Variants in ZSCAN25 observed in about 807,000 individuals in gnomAD.
ZSCAN25 encodes zinc finger and SCAN domain-containing protein 25.
ZSCAN25 carries 27 observed loss-of-function variants against 38.7 expected under a neutral mutation model. The ratio of observed to expected loss-of-function variants is 0.70; its 90% CI spans 0.51 to 0.96. ZSCAN25 has a LOEUF of 0.96. Ranked by LOEUF, ZSCAN25 falls within the 40% of genes least tolerant of loss-of-function variation. The pLI is 0.00. For synonymous variants in ZSCAN25, 273 were observed against 277.7 expected, an observed-to-expected ratio of 0.98 and a Z score of 0.17; for missense variants, 637 against 705.9, an observed-to-expected ratio of 0.90 and a Z score of 1.11.
the ZSCAN25 span, among the ~76,000 whole-genome samples, chr7:99,710,389 G>C: frequency 2.6e-5 from 4 of 152,284 alleles, no homozygotes; most frequent in East Asian, 3.9e-4. Context: ...AGCCAGACCA[G>C]AGCAAGTCCT....
At chr7:99,650,060 A>G in the ZSCAN25 span, 1 of 1,613,906 alleles carries the variant, frequency 6.2e-7, no homozygotes, top group Non-Finnish European at 8.5e-7. Flanking sequence ...AAACATACAG[A>G]AAGTGTACTG....
At chr7:99,619,427 C>A in intron 3 of ZSCAN25, 134 bp from the exon 4 acceptor site, 1 of 685,468 alleles carries the variant, frequency 1.5e-6, no homozygotes, top group Non-Finnish European at 2.4e-6. Flanking sequence ...ATTGACCTGA[C>A]TTTTGGGATC....
the ZSCAN25 span, among the ~76,000 whole-genome samples, chr7:99,667,544 T>G: frequency 6.6e-6 from 1 of 152,174 alleles, no homozygotes; most frequent in Admixed American, 6.5e-5. Flanking sequence ...TAGGTAATAC[T>G]TAAAGACTAG....
the ZSCAN25 span, chr7:99,648,399 A>T: frequency 6.2e-7 from 1 of 1,609,782 alleles, no homozygotes; most frequent in Non-Finnish European, 8.5e-7. Flanking sequence ...TTTCAAGGGG[A>T]TCTACAATAG....
the ZSCAN25 span, chr7:99,672,596 A>G: frequency 1.9e-6 from 3 of 1,613,912 alleles, no homozygotes; most frequent in Non-Finnish European, 2.5e-6. Context: ...ATTTGTGAAG[A>G]CAGAATAACA....
chr7:99,731,151 A>G, the ZSCAN25 span: 3 of 1,613,820 alleles, frequency 1.9e-6, no homozygotes, highest in Non-Finnish European at 2.5e-6. Context: ...CGGGTTCCAT[A>G]TCTACAAAGT....
At chr7:99,674,471 T>C in the ZSCAN25 span, 1 of 1,345,726 alleles carries the variant, frequency 7.4e-7, no homozygotes, top group South Asian at 1.2e-5. Context: ...GAGACTATCC[T>C]GCAGTGGGGT....
chr7:99,660,205 G>A, the ZSCAN25 span: 56 of 962,166 alleles, frequency 5.8e-5, no homozygotes, highest in African/African-American at 9.1e-4. Flanking sequence ...CCATCTTCTC[G>A]CCACACTCCT....
chr7:99,660,331 C>T, the ZSCAN25 span: 17 of 1,261,454 alleles, frequency 1.3e-5, no homozygotes, highest in Middle Eastern at 3.3e-4. Context: ...CAGTAGCAAC[C>T]GTTCTCTATG....
chr7:99,733,297 C>T, the ZSCAN25 span, among the ~76,000 whole-genome samples: 4 of 152,156 alleles, frequency 2.6e-5, no homozygotes, highest in African/African-American at 7.2e-5. Context: ...CATTGGCCCC[C>T]GAGGAAAGAT....
At chr7:99,660,062 A>G in the ZSCAN25 span, 1 of 337,772 alleles carries the variant, frequency 3.0e-6, no homozygotes, top group Non-Finnish European at 4.2e-6. Flanking sequence ...GGTGCACTGC[A>G]CCCACTGTCC....
At chr7:99,737,217 A>C in the ZSCAN25 span, among the ~76,000 whole-genome samples, 2 of 152,268 alleles carry the variant, frequency 1.3e-5, no homozygotes, top group African/African-American at 2.4e-5. Flanking sequence ...TTCCCAACTG[A>C]TACTGATCAC....
the ZSCAN25 span, chr7:99,663,738 A>G: frequency 8.4e-7 from 1 of 1,184,988 alleles, no homozygotes; most frequent in South Asian, 2.8e-5. Context: ...TGTTTATATC[A>G]TGACATACTA....
intron 7 of ZSCAN25, 34 bp downstream of exon 7, chr7:99,624,214 G>A (rs1252177795): frequency 6.2e-7 from 1 of 1,612,434 alleles, no homozygotes; most frequent in Admixed American, 1.7e-5. Flanking sequence ...TGAGGAACTG[G>A]GGAGTTCTGA....
the ZSCAN25 span, among the ~76,000 whole-genome samples, chr7:99,698,779 G>C: frequency 6.6e-6 from 1 of 152,040 alleles, no homozygotes; most frequent in Admixed American, 6.6e-5. Flanking sequence ...GAACATGCTG[G>C]AAATATTCCA....
chr7:99,652,286 A>G, the ZSCAN25 span: 1 of 219,314 alleles, frequency 4.6e-6, no homozygotes, highest in Non-Finnish European at 9.0e-6. Flanking sequence ...ATACCATTCT[A>G]ATTTTTAAAA....
the ZSCAN25 span, chr7:99,710,605 T>C: frequency 6.6e-7 from 1 of 1,524,224 alleles, no homozygotes; most frequent in Non-Finnish European, 8.8e-7. Context: ...TTTGAGAGCC[T>C]TCCTACATAT....
the ZSCAN25 span, among the ~76,000 whole-genome samples, chr7:99,644,268 T>C: frequency 6.6e-6 from 1 of 152,072 alleles, no homozygotes; most frequent in East Asian, 1.9e-4. Flanking sequence ...CAGTCCTGTT[T>C]GGGGTAGCAT....
the ZSCAN25 span, among the ~76,000 whole-genome samples, chr7:99,704,822 C>T: frequency 1.3e-5 from 2 of 151,894 alleles, no homozygotes; most frequent in Non-Finnish European, 2.9e-5. Context: ...ATTAGCCGGG[C>T]GTGGTGGCAG....
Sources: gnomAD v4.1 joint callset for allele counts (sites outside exome capture counted in the v4.1 genomes callset) on GRCh38, gnomAD v4.1.1 for gene constraint, MANE v1.5 for transcripts, NCBI Gene and HGNC (gene_info 2026-07-23, HGNC 2026-07-21) for gene names.